The following SDCCAG8 variants were observed in gnomAD, a reference collection of about 807,000 sequenced individuals.
SDCCAG8 encodes the protein serologically defined colon cancer antigen 8.
A neutral mutation model predicts 101.8 loss-of-function variants in SDCCAG8; 74 were observed. That is an observed-to-expected ratio of 0.73 (90% CI 0.60 to 0.88). The LOEUF (loss-of-function observed/expected upper bound fraction) is 0.88, where lower values mean the gene tolerates loss of function less well. SDCCAG8 is among the 40% of genes least tolerant of loss of function. The pLI is 0.00. For synonymous variants in SDCCAG8, 281 were observed against 292.9 expected, an observed-to-expected ratio of 0.96 and a Z score of 0.41; for missense variants, 787 against 822.6, an observed-to-expected ratio of 0.96 and a Z score of 0.53.
chr1:243,467,704 A>G (rs1399943069), intron 16 of SDCCAG8, among the ~76,000 whole-genome samples: 3 of 152,172 alleles, frequency 2.0e-5, no homozygotes, highest in Non-Finnish European at 4.4e-5. Context: ...ATTTCTGACA[A>G]TTTTAGTTAT....
intron 12 of SDCCAG8, among the ~76,000 whole-genome samples, chr1:243,372,958 A>C (rs964809954): frequency 3.0e-4 from 45 of 147,796 alleles, no homozygotes; most frequent in South Asian, 1.5e-3. Context: ...ATCTATCTAT[A>C]TATATATCTT....
chr1:243,316,931 T>C, intron 9 of SDCCAG8, 38 bp downstream of exon 9: 1 of 1,597,766 alleles, frequency 6.3e-7, no homozygotes, highest in South Asian at 1.1e-5. Context: ...TGTCTTTCTT[T>C]TTTTTTTCTT....
chr1:243,426,303 G>A, intron 15 of SDCCAG8, 124 bp from the exon 16 acceptor site: 1 of 828,926 alleles, frequency 1.2e-6, no homozygotes, highest in South Asian at 1.6e-5. Context: ...TGCAAAGGAT[G>A]TAGTTTTCAT....
chr1:243,439,311 A>T (rs971713842), intron 16 of SDCCAG8, among the ~76,000 whole-genome samples: 1 of 151,810 alleles, frequency 6.6e-6, no homozygotes. Context: ...ATGCCACTGC[A>T]CCCAGTTTAC....
At chr1:243,299,191 A>T (rs529950481) in intron 6 of SDCCAG8, among the ~76,000 whole-genome samples, 1 of 152,188 alleles carries the variant, frequency 6.6e-6, no homozygotes, top group Admixed American at 6.5e-5. Context: ...TATCTTCCAA[A>T]TTTTTATTTT....
chr1:243,422,058 T>C (rs932657246), intron 15 of SDCCAG8, among the ~76,000 whole-genome samples: 1 of 152,150 alleles, frequency 6.6e-6, no homozygotes, highest in African/African-American at 2.4e-5. Flanking sequence ...TGGAGAGAAG[T>C]GTGTGCTAGG....
intron 3 of SDCCAG8, among the ~76,000 whole-genome samples, chr1:243,271,781 A>G (rs1179566499): frequency 1.3e-5 from 2 of 152,110 alleles, no homozygotes; most frequent in African/African-American, 4.8e-5. Context: ...GAACCTCAGG[A>G]AATCCATCAG....
At chr1:243,386,842 G>A (rs1042489283) in intron 13 of SDCCAG8, among the ~76,000 whole-genome samples, 2 of 152,076 alleles carry the variant, frequency 1.3e-5, no homozygotes, top group Admixed American at 6.6e-5. Context: ...GACACGTGAC[G>A]GTGAATTTTG....
At chr1:243,385,982 A>G (rs767619401) in intron 13 of SDCCAG8, among the ~76,000 whole-genome samples, 1 of 152,188 alleles carries the variant, frequency 6.6e-6, no homozygotes, top group Non-Finnish European at 1.5e-5. Context: ...AAACACCACC[A>G]CCAACAACAA....
At chr1:243,439,663 C>CACACACAT (rs1248671459) in intron 16 of SDCCAG8, among the ~76,000 whole-genome samples, 7 of 151,386 alleles carry the variant, frequency 4.6e-5, no homozygotes, top group African/African-American at 1.7e-4. Context: ...CACACACACA[C>CACACACAT]ACATCATTGG....
intron 16 of SDCCAG8, among the ~76,000 whole-genome samples, chr1:243,468,817 C>T (rs1357474169): frequency 6.6e-6 from 1 of 152,222 alleles, no homozygotes; most frequent in African/African-American, 2.4e-5. Context: ...TTACCTCATT[C>T]ATTAGATAGA....
chr1:243,312,796 G>C (rs770231964), intron 8 of SDCCAG8, among the ~76,000 whole-genome samples: 3 of 152,038 alleles, frequency 2.0e-5, no homozygotes, highest in Non-Finnish European at 2.9e-5. Flanking sequence ...TATGTTTCTG[G>C]TGGTTTCTTA....
At chr1:243,344,371 T>G in intron 12 of SDCCAG8, 40 bp downstream of exon 12, 1 of 1,267,020 alleles carries the variant, frequency 7.9e-7, no homozygotes, top group Non-Finnish European at 1.2e-6. Flanking sequence ...ATTATAGATA[T>G]GAGTAACATT....
intron 16 of SDCCAG8, among the ~76,000 whole-genome samples, chr1:243,467,912 T>C (rs1660455149): frequency 6.6e-6 from 1 of 152,220 alleles, no homozygotes; most frequent in South Asian, 2.1e-4. Flanking sequence ...CCATGAACTC[T>C]GTAAAGTTTG....
chr1:243,327,988 C>T (rs1344642930), intron 9 of SDCCAG8, among the ~76,000 whole-genome samples: 1 of 152,044 alleles, frequency 6.6e-6, no homozygotes, highest in Non-Finnish European at 1.5e-5. Context: ...CTGCAAGCTC[C>T]GCCTCCCGGG....
rs1173046345 is a variant in SDCCAG8, at chr1:243,458,114, G to T, written c.1986-30900G>T. Among the ~76,000 whole-genome samples the T allele has an allele frequency of 6.6e-6, 1 of 152,222 alleles. No individual in the cohort carries two copies. The highest frequency in any genetic ancestry group is 2.1e-4 in the South Asian group (1 of 4,838). On this transcript the variant is annotated intron_variant, in intron 16 of 17. Coordinates refer to ENST00000366541, the MANE Select transcript of SDCCAG8 (RefSeq NM_006642.5). The surrounding 1 kb of genome is among the most constrained non-coding windows in gnomAD (Gnocchi z 4.5). ...CATCTTGACTTTTGTGTGGGTCAGA[G>T]TGAGTTACTAATTTTAGAAGTGTTC...
Position 243,458,033 on chromosome 1 carries a change from A to ATGGATAGATGG in SDCCAG8, c.1986-30981_1986-30980insTGGATAGATGG, listed in dbSNP as rs1451717685. 6.6e-6 allele frequency among the ~76,000 whole-genome samples: 1 copy of ATGGATAGATGG among 152,258 alleles called. No individual in the cohort carries two copies. Among genetic ancestry groups the ATGGATAGATGG allele is most frequent in the East Asian group, 1.9e-4 (1 of 5,198 alleles). On this transcript the variant is annotated intron_variant, in intron 16 of 17. Transcript: ENST00000366541. This position sits in a 1 kb window ranked among gnomAD's most constrained non-coding sequence, Gnocchi z 4.5. ...GTGCTGGTATGGATAGAGGTCCTGC[A>ATGGATAGATGG]GAAACCTTCAGGACCCATCCCAAAA...
chr1:243,420,549 T>C (rs1002993801), intron 15 of SDCCAG8, among the ~76,000 whole-genome samples: 36 of 152,190 alleles, frequency 2.4e-4, no homozygotes, highest in Non-Finnish European at 7.3e-5. Flanking sequence ...CTAGTTGTAT[T>C]TTGTAACTCT....
chr1:243,490,413 C>T (rs1666117502), intron 17 of SDCCAG8, among the ~76,000 whole-genome samples: 1 of 152,196 alleles, frequency 6.6e-6, no homozygotes, highest in Non-Finnish European at 1.5e-5. Context: ...CATGGCAGGG[C>T]CCTGGAACCT....
Sources: allele counts gnomAD v4.1 joint callset (sites outside exome capture counted in the v4.1 genomes callset), GRCh38; gene constraint gnomAD v4.1.1; non-coding constraint Gnocchi (gnomAD v3.1); transcripts MANE v1.5; gene names NCBI Gene and HGNC (gene_info 2026-07-23, HGNC 2026-07-21).